R3HDML: variants seen among roughly 807,000 people sequenced by gnomAD.
R3HDML encodes the protein peptidase inhibitor R3HDML.
A neutral mutation model predicts 24.2 loss-of-function variants in R3HDML; 21 were observed. The ratio of observed to expected loss-of-function variants is 0.87; its 90% confidence interval spans 0.62 to 1.25. The LOEUF (loss-of-function observed/expected upper bound fraction) is 1.25. Ranked by LOEUF, R3HDML falls within the 50% of genes most tolerant of loss-of-function variation. The pLI is 0.00. For missense variants in R3HDML, 301 were observed against 340.3 expected, an observed-to-expected ratio of 0.88 and a Z score of 0.91; for synonymous variants, 133 against 131.5, an observed-to-expected ratio of 1.01 and a Z score of -0.08.
intron 1 of R3HDML, among the ~76,000 whole-genome samples, chr20:44,340,371 C>G (rs1451581323): frequency 6.6e-6 from 1 of 152,138 alleles, no homozygotes; most frequent in African/African-American, 2.4e-5. Context: ...AGATTACAGG[C>G]GTGAACCACT....
chr20:44,341,290 A>G lies in R3HDML; in HGVS notation c.356A>G (p.Gln119Arg), dbSNP rs772833814. 6.2e-7 allele frequency: 1 copy of G among 1,614,044 alleles called. No individual in the cohort carries two copies. Among genetic ancestry groups the G allele is most frequent in the Non-Finnish European group, 8.5e-7 (1 of 1,179,886 alleles). The change falls in exon 2 of 5, where the codon CAG (glutamine) becomes CGG (arginine). Residue 119 changes from glutamine (Q) to arginine (R), a missense_variant. Physicochemically the swap from Gln to Arg is conservative, Grantham distance 43 (BLOSUM62 1). Coordinates refer to ENST00000217043, the MANE Select transcript of R3HDML (RefSeq NM_178491.4). ...TCACAGCTGATGAGATACGTGGGCC[A>G]GAACCTCTCCATCCATTCTGGCCAG... The part of the protein sequence containing the change: ...GPSQLMRYVG[Q>R]NLSIHSGQYR...
chr20:44,350,628 CCT>C (rs761810858), intron 4 of R3HDML, 30 bp from the exon 5 acceptor site: 69 of 1,604,264 alleles, frequency 4.3e-5, no homozygotes, highest in Non-Finnish European at 5.8e-5. Context: ...ACCTAATGCT[CCT>C]CTGTCTCCCT....
chr20:44,341,332 CT>C lies in R3HDML; in HGVS notation c.380+20del. The C allele has an allele frequency of 6.4e-7, 1 of 1,562,240 alleles. No homozygotes were observed. Among genetic ancestry groups the C allele is most frequent in the Non-Finnish European group, 8.8e-7 (1 of 1,134,288 alleles). ...TCTGGCCAGTGAGTGACCCTCTGCC[CT>C]TCCTTCACTCAGTCATTCAACAAAT... On this transcript the variant is annotated intron_variant, in intron 2 of 4. Coordinates refer to ENST00000217043, the MANE Select transcript of R3HDML (RefSeq NM_178491.4).
intron 2 of R3HDML, among the ~76,000 whole-genome samples, chr20:44,341,613 G>A (rs532388224): frequency 3.9e-5 from 6 of 152,334 alleles, no homozygotes; most frequent in African/African-American, 4.8e-5. Flanking sequence ...GGCCGGGCAC[G>A]GTGGCTTACA....
At chr20:44,347,687 C>A (rs760000940) in intron 4 of R3HDML, 3 of 152,136 alleles carry the variant, frequency 2.0e-5, no homozygotes, top group Non-Finnish European at 4.4e-5. Context: ...GAGGCTCAGG[C>A]AGGTTGAGTA....
chr20:44,348,499 CCTTTCCTTTCCTTTCCTTTCTTTT>C (rs1326105963), intron 4 of R3HDML, among the ~76,000 whole-genome samples: 3 of 120,104 alleles, frequency 2.5e-5, no homozygotes, highest in African/African-American at 5.5e-5. Context: ...CCTTTCCTTT[CCTTTCCTTTCCTTTCCTTTCTTTT>C]CTTCTGTCCA....
intron 1 of R3HDML, among the ~76,000 whole-genome samples, chr20:44,339,869 C>G (rs1334222345): frequency 6.6e-6 from 1 of 152,088 alleles, no homozygotes; most frequent in Non-Finnish European, 1.5e-5. Flanking sequence ...ACCTCTGCCT[C>G]CTGAGTTCAA....
At position 44,337,408 on chromosome 20, in the gene R3HDML, T is replaced by A. The variant is rs762149787; in HGVS notation, c.251T>A (p.Met84Lys). 3 of 1,612,856 alleles carry A rather than the reference T, an allele frequency of 1.9e-6. No individual in the cohort carries two copies. Among genetic ancestry groups the A allele is most frequent in the Non-Finnish European group, 2.5e-6 (3 of 1,179,014 alleles). ...AGTGTGTACCCACCTGCCGCCAACA[T>A]GGAATACATGGTGAGTCCCCGTACC... ...RASVYPPAAN[M>K]EYMVWDKRLA... Residue 84 changes from methionine to lysine, a missense_variant, in exon 1 of 5, where the codon ATG becomes AAG. Coordinates refer to ENST00000217043, the MANE Select transcript of R3HDML (RefSeq NM_178491.4). This position sits in a 1 kb window ranked among gnomAD's most constrained non-coding sequence, Gnocchi z 4.7.
chr20:44,349,219 C>T (rs1323442766), intron 4 of R3HDML, among the ~76,000 whole-genome samples: 2 of 151,954 alleles, frequency 1.3e-5, no homozygotes, highest in African/African-American at 4.8e-5. Context: ...GCCCATAGTA[C>T]ATGCTAAATA....
chr20:44,341,460 AGTTAGAAG>A, intron 2 of R3HDML, 146 bp downstream of exon 2: 2 of 634,698 alleles, frequency 3.2e-6, no homozygotes, highest in Non-Finnish European at 5.4e-6. Context: ...CCTGCATTCT[AGTTAGAAG>A]GGGCAGGCAA....
At chr20:44,347,422 G>T (rs1020686573) in intron 4 of R3HDML, 1 of 151,988 alleles carries the variant, frequency 6.6e-6, no homozygotes, top group African/African-American at 2.4e-5. Context: ...GGCTCATTAT[G>T]TTGCCTAGGC....
At chr20:44,350,187 G>C (rs1259702349) in intron 4 of R3HDML, among the ~76,000 whole-genome samples, 1 of 152,130 alleles carries the variant, frequency 6.6e-6, no homozygotes, top group East Asian at 1.9e-4. Flanking sequence ...CTTAGAGAGA[G>C]AGGAGGCTCT....
chr20:44,345,662 T>C (rs2062784592), intron 4 of R3HDML, among the ~76,000 whole-genome samples: 1 of 151,324 alleles, frequency 6.6e-6, no homozygotes, highest in African/African-American at 2.4e-5. Context: ...TAGCTGAGTG[T>C]CATGGTGATC....
chr20:44,347,231 TGG>T (rs35353509), intron 4 of R3HDML, among the ~76,000 whole-genome samples: 4 of 151,012 alleles, frequency 2.6e-5, no homozygotes, highest in Admixed American at 6.6e-5. Flanking sequence ...CTTTTTTTTT[TGG>T]GGGGGGACGA....
intron 4 of R3HDML, 84 bp from the exon 5 acceptor site, chr20:44,350,576 A>T: frequency 7.3e-7 from 1 of 1,378,476 alleles, no homozygotes; most frequent in South Asian, 1.6e-5. Context: ...AGGGCTGGTC[A>T]GTGGCAGCGC....
chr20:44,348,520 T>TTTCC (rs1555804779), intron 4 of R3HDML, among the ~76,000 whole-genome samples: 1 of 87,464 alleles, frequency 1.1e-5, no homozygotes, highest in Non-Finnish European at 2.7e-5. Context: ...CTTTCCTTTC[T>TTTCC]TTTCTTCTGT....
chr20:44,338,365 G>A (rs73109953), intron 1 of R3HDML, among the ~76,000 whole-genome samples: 24,295 of 152,112 alleles, frequency 0.16, 2,110 homozygotes, highest in Middle Eastern at 0.28. Flanking sequence ...CTTCCTTCAC[G>A]AAGGTGACAT....
intron 1 of R3HDML, among the ~76,000 whole-genome samples, chr20:44,338,879 C>T (rs1056909689): frequency 1.3e-5 from 2 of 152,074 alleles, no homozygotes; most frequent in African/African-American, 4.8e-5. Flanking sequence ...CCAGACCAGC[C>T]TGGCCAACAT....
intron 4 of R3HDML, among the ~76,000 whole-genome samples, chr20:44,346,756 G>A (rs909297070): frequency 6.6e-6 from 1 of 152,220 alleles, no homozygotes; most frequent in African/African-American, 2.4e-5. Flanking sequence ...CAGTTTGCTG[G>A]GTGGGAGAGT....
Sources: allele counts gnomAD v4.1 joint callset (sites outside exome capture counted in the v4.1 genomes callset), GRCh38; gene constraint gnomAD v4.1.1; non-coding constraint Gnocchi (gnomAD v3.1); transcripts MANE v1.5; gene names NCBI Gene and HGNC (gene_info 2026-07-23, HGNC 2026-07-21).